The following CA5A variants were observed in gnomAD, a reference collection of about 807,000 sequenced individuals.
The protein encoded by CA5A is carbonic anhydrase 5A, mitochondrial.
Under a neutral mutation model 37.1 loss-of-function variants are expected in CA5A, and 28 were observed. The observed-to-expected ratio is 0.75, with a 90% CI of 0.56 to 1.03. The LOEUF is 1.03. CA5A is among the 50% of genes least tolerant of loss of function. The pLI is 0.00. For missense variants in CA5A, 444 were observed against 399.9 expected (o/e 1.11, Z -0.94); for synonymous variants, 171 against 158.4 (o/e 1.08, Z -0.60).
rs972359552 is a variant in CA5A, at chr16:87,923,834, C to A, written c.340+2914G>T. On this transcript the variant is annotated intron_variant, in intron 2 of 6. Transcript: ENST00000649794. The stretch of plus-strand genomic sequence containing the variant: ...GAATATGAATCCCATAGCAACTCAT[C>A]TGTATCCATGACAACTATTGTTCTC... The A allele has an allele frequency of 1.0e-5, 10 of 984,964 alleles. No individual in the cohort carries two copies. In the Admixed American group the frequency reaches 5.5e-4, roughly 55 times the overall value. The allele number at this position is 984,964 out of a possible 1,614,324, so 61.0% of individuals were successfully genotyped here. A position where few individuals can be genotyped will look rare whatever the true frequency, so the allele number is the denominator to read the frequency against.
chr16:87,926,564 C>G (rs1339114112), intron 2 of CA5A, among the ~76,000 whole-genome samples, 184 bp downstream of exon 2: 1 of 152,052 alleles, frequency 6.6e-6, no homozygotes, highest in Non-Finnish European at 1.5e-5. Context: ...AGGCTCCTGT[C>G]CCCTCGAGAA....
chr16:87,926,604 C>T (rs1317485847), intron 2 of CA5A, 144 bp downstream of exon 2: 8 of 656,802 alleles, frequency 1.2e-5, no homozygotes, highest in Non-Finnish European at 1.9e-5. Context: ...GTGTGTCCTC[C>T]CTCAAGCGAG....
chr16:87,922,668 C>G (rs556228655), intron 2 of CA5A, among the ~76,000 whole-genome samples: 18 of 152,382 alleles, frequency 1.2e-4, no homozygotes, highest in Admixed American at 1.1e-3. Flanking sequence ...AGAGGCCCGT[C>G]TGGGCCCTGG....
chr16:87,899,110 G>T (rs934013001), intron 5 of CA5A, among the ~76,000 whole-genome samples: 5 of 152,114 alleles, frequency 3.3e-5, no homozygotes, highest in African/African-American at 1.2e-4. Context: ...AGGAGTGGTG[G>T]ATCTGGGCTC....
Position 87,926,854 on chromosome 16 carries a change from G to A in CA5A, c.234C>T (p.Pro78=). The part of the protein sequence containing the change: ...NIQWRDSVYD[P]QLKPLRVSYE... ...AGGAGACCCTGAGTGGCTTCAGCTG[G>A]GGGTCATAGACGCTGTCCCTCCACT... Residue 78 remains proline (P), a synonymous_variant, in exon 2 of 7, where the codon CCC becomes CCT. Coordinates refer to ENST00000649794, the MANE Select transcript of CA5A (RefSeq NM_001739.2). The A allele has an allele frequency of 6.2e-7, 1 of 1,613,664 alleles. No homozygotes were observed. Among genetic ancestry groups the A allele is most frequent in the African/African-American group, 1.3e-5 (1 of 75,054 alleles).
chr16:87,921,305 T>C (rs938850850), intron 2 of CA5A, among the ~76,000 whole-genome samples: 9 of 152,192 alleles, frequency 5.9e-5, no homozygotes, highest in African/African-American at 1.9e-4. Flanking sequence ...AAGAGGCTTA[T>C]TAGTACAGGG....
chr16:87,888,245 A>G lies in CA5A; in HGVS notation c.802T>C (p.Ser268Pro). Residue 268 changes from serine (S) to proline (P), a missense_variant, in exon 7 of 7, where the codon TCT becomes CCT. Transcript: ENST00000649794. ...QLSAFRTLLF[S>P]ALGEEEKMMV... ...ATCTTCTCCTCTTCACCAAGTGCAGAAAACAGGAGAGTACGAAATGCAGAG... is the reference window on the plus strand; with the variant it reads ...ATCTTCTCCTCTTCACCAAGTGCAGGAAACAGGAGAGTACGAAATGCAGAG... 1 of 1,613,842 alleles carries G rather than the reference A, an allele frequency of 6.2e-7. No homozygotes were observed. The highest frequency in any genetic ancestry group is 1.1e-5 in the South Asian group (1 of 91,060).
chr16:87,910,100 CAAAA>C (rs1555521483), intron 2 of CA5A, among the ~76,000 whole-genome samples: 1 of 138,824 alleles, frequency 7.2e-6, no homozygotes, highest in East Asian at 2.1e-4. Context: ...AACAAACAAA[CAAAA>C]AACAACGAAC....
In CA5A at chr16:87,915,986, G is replaced by A. The variant is rs968547874; in HGVS notation, c.340+10762C>T. ...GTGGCTGGGGAGGCCTCGCAATCACGGCAGAAGGCGAAAGGCAGGTCTTGC... is the reference window on the plus strand; with the variant it reads ...GTGGCTGGGGAGGCCTCGCAATCACAGCAGAAGGCGAAAGGCAGGTCTTGC... On this transcript the variant is annotated intron_variant, in intron 2 of 6. Coordinates refer to ENST00000649794, the MANE Select transcript of CA5A (RefSeq NM_001739.2). Among the ~76,000 whole-genome samples, 9 of 151,980 alleles carry A rather than the reference G, an allele frequency of 5.9e-5. No homozygotes were observed. In the South Asian group the frequency reaches 6.3e-4, roughly 11 times the overall value.
intron 2 of CA5A, among the ~76,000 whole-genome samples, chr16:87,907,109 T>C (rs1289191541): frequency 1.3e-5 from 2 of 152,058 alleles, no homozygotes; most frequent in Non-Finnish European, 2.9e-5. Context: ...TCCCAGCTAC[T>C]TGGGAGGCTG....
chr16:87,923,044 G>A (rs2056251846), intron 2 of CA5A, among the ~76,000 whole-genome samples: 1 of 152,264 alleles, frequency 6.6e-6, no homozygotes, highest in African/African-American at 2.4e-5. Context: ...TCTGCAGTCG[G>A]AACGGAAGCC....
intron 6 of CA5A, among the ~76,000 whole-genome samples, chr16:87,889,677 CAGG>C (rs1351483188): frequency 6.6e-6 from 1 of 151,952 alleles, no homozygotes; most frequent in Admixed American, 6.6e-5. Flanking sequence ...GAGGGTGAGG[CAGG>C]AGAAGCTCTT....
At chr16:87,920,305 G>C (rs1255700274) in intron 2 of CA5A, among the ~76,000 whole-genome samples, 1 of 152,076 alleles carries the variant, frequency 6.6e-6, no homozygotes, top group Admixed American at 6.5e-5. Context: ...TTTTTTGTTT[G>C]TTTGTTTGAT....
At position 87,911,170 on chromosome 16, in the gene CA5A, C is replaced by T. The variant is rs1447472812; in HGVS notation, c.341-6266G>A. Among the ~76,000 whole-genome samples, 1 of 152,078 alleles carries T rather than the reference C, an allele frequency of 6.6e-6. No homozygotes were observed. The highest frequency in any genetic ancestry group is 2.4e-5 in the African/African-American group (1 of 41,392). ...GTCTTTAAGCTGCCAGCCCCCATCC[C>T]CCGGACTCTGCTATCAGCAGGGCTG... On this transcript the variant is annotated intron_variant, in intron 2 of 6. Coordinates refer to ENST00000649794, the MANE Select transcript of CA5A (RefSeq NM_001739.2). The surrounding 1 kb of genome is among the most constrained non-coding windows in gnomAD (Gnocchi z 4.6).
At chr16:87,931,953 C>G (rs939744632) in intron 1 of CA5A, among the ~76,000 whole-genome samples, 2 of 137,108 alleles carry the variant, frequency 1.5e-5, no homozygotes, top group Non-Finnish European at 3.2e-5. Context: ...CAAAGAGCCT[C>G]TCTGAGGCTG....
chr16:87,902,555 A>G (rs4843730), intron 3 of CA5A, 35 bp from the exon 4 acceptor site: 95,738 of 1,100,570 alleles, frequency 0.087, 5,568 homozygotes, highest in African/African-American at 0.26. Context: ...TAAATTGATC[A>G]GCAAGAAATA....
At chr16:87,923,906 G>A in intron 2 of CA5A, 1 of 984,828 alleles carries the variant, frequency 1.0e-6, no homozygotes, top group Non-Finnish European at 1.2e-6. Context: ...ACAATTAAAA[G>A]TTCAGGAACT....
At chr16:87,910,179 A>AG (rs1261284804) in intron 2 of CA5A, among the ~76,000 whole-genome samples, 1 of 152,244 alleles carries the variant, frequency 6.6e-6, no homozygotes, top group Admixed American at 6.5e-5. Flanking sequence ...CTCACTGGCC[A>AG]GGTTCTGCCG....
downstream of CA5A, chr16:87,885,364 G>C (rs943409140): frequency 6.5e-6 from 1 of 152,934 alleles, no homozygotes; most frequent in Non-Finnish European, 1.5e-5. Flanking sequence ...GCAGGTATCT[G>C]GTGAAAGAGG....
Sources: gnomAD v4.1 joint callset for allele counts (sites outside exome capture counted in the v4.1 genomes callset) on GRCh38, gnomAD v4.1.1 for gene constraint, Gnocchi (gnomAD v3.1) non-coding constraint, MANE v1.5 for transcripts, NCBI Gene and HGNC (gene_info 2026-07-23, HGNC 2026-07-21) for gene names.